The following TTLL5 variants were observed in gnomAD, a reference collection of about 807,000 sequenced individuals.
TTLL5 encodes the protein tubulin tyrosine ligase like 5.
TTLL5 carries 132 observed loss-of-function variants against 168.4 expected under a neutral mutation model. The ratio of observed to expected loss-of-function variants is 0.78; its 90% CI spans 0.68 to 0.91. The LOEUF (loss-of-function observed/expected upper bound fraction) is 0.91. Ranked by LOEUF, TTLL5 falls within the 40% of genes least tolerant of loss-of-function variation. The probability of loss-of-function intolerance (pLI) is 0.00; values close to 1 mark genes in which losing one functional copy is unlikely to be tolerated. For missense variants in TTLL5, 1,545 were observed against 1,581.5 expected, an observed-to-expected ratio of 0.98 and a Z score of 0.39; for synonymous variants, 546 against 558.6, an observed-to-expected ratio of 0.98 and a Z score of 0.32.
intron 18 of TTLL5, among the ~76,000 whole-genome samples, chr14:75,756,840 T>C (rs1304306572): frequency 6.6e-6 from 1 of 152,008 alleles, no homozygotes; most frequent in African/African-American, 2.4e-5. Flanking sequence ...GAAAGGAAAT[T>C]GAATGAGAGT....
chr14:75,900,007 C>G (rs552963749), intron 30 of TTLL5, among the ~76,000 whole-genome samples: 1 of 150,876 alleles, frequency 6.6e-6, no homozygotes, highest in African/African-American at 2.4e-5. Context: ...CTTTGCTCCA[C>G]TCAGCTGCTC....
At chr14:75,876,391 C>T (rs185074410) in intron 29 of TTLL5, among the ~76,000 whole-genome samples, 35 of 152,230 alleles carry the variant, frequency 2.3e-4, no homozygotes, top group African/African-American at 8.2e-4. Context: ...ACAATAGTTT[C>T]GAAATTTTTC....
Position 75,874,933 on chromosome 14 carries a change from C to CTTTTTTTTTTTTTTTTTTTT in TTLL5, c.3523-7734_3523-7733insTTTTTTTTTTTTTTTTTTTT, listed in dbSNP as rs1555353208. Among the ~76,000 whole-genome samples, 709 of 97,414 alleles carry CTTTTTTTTTTTTTTTTTTTT rather than the reference C, an allele frequency of 7.3e-3. 48 individuals carry two copies. Among genetic ancestry groups the CTTTTTTTTTTTTTTTTTTTT allele is most frequent in the East Asian group, 0.043 (105 of 2,424 alleles). 63.9% of individuals were successfully genotyped at this position (97,414 alleles called of 152,430 possible). ...AGAGAAAAAAAAAGACACTGGGGGCCTTTTTTTTTTTTTTTTTTGAGACGG... is the reference window on the plus strand; with the variant it reads ...AGAGAAAAAAAAAGACACTGGGGGCCTTTTTTTTTTTTTTTTTTTTTTTTTTTTTTTTTTTTTTGAGACGG... On this transcript the variant is annotated intron_variant, in intron 29 of 31. Coordinates refer to ENST00000298832, the MANE Select transcript of TTLL5 (RefSeq NM_015072.5).
chr14:75,905,558 TAGTAG>T (rs2033109530), intron 31 of TTLL5, among the ~76,000 whole-genome samples: 1 of 152,180 alleles, frequency 6.6e-6, no homozygotes. Flanking sequence ...GGCTTTATAT[TAGTAG>T]TTTGCTGTGG....
At chr14:75,740,753 A>G (rs1889212034) in intron 15 of TTLL5, among the ~76,000 whole-genome samples, 2 of 152,154 alleles carry the variant, frequency 1.3e-5, no homozygotes, top group Non-Finnish European at 2.9e-5. Flanking sequence ...ATTTGATAGC[A>G]TTCATTTTAC....
intron 28 of TTLL5, among the ~76,000 whole-genome samples, chr14:75,861,553 C>A (rs986715854): frequency 2.6e-5 from 4 of 152,306 alleles, no homozygotes; most frequent in African/African-American, 9.6e-5. Flanking sequence ...ATTGAAATGA[C>A]TTTAATGACA....
chr14:75,687,763 G>C (rs965565575), intron 5 of TTLL5, among the ~76,000 whole-genome samples: 1 of 152,148 alleles, frequency 6.6e-6, no homozygotes, highest in African/African-American at 2.4e-5. Context: ...TTTTCAAAGT[G>C]GGTAAAATAT....
chr14:75,782,065 A>G (rs1030905440), intron 24 of TTLL5, among the ~76,000 whole-genome samples: 2 of 151,580 alleles, frequency 1.3e-5, no homozygotes, highest in African/African-American at 4.8e-5. Flanking sequence ...GTCTCGGGGT[A>G]GCTTCGCTGC....
chr14:75,704,890 A>G (rs1886542153), intron 7 of TTLL5, among the ~76,000 whole-genome samples: 1 of 152,212 alleles, frequency 6.6e-6, no homozygotes, highest in African/African-American at 2.4e-5. Flanking sequence ...TATGGTGAGC[A>G]AGGGAGGAGA....
chr14:75,739,161 A>C (rs1889093027), intron 15 of TTLL5, among the ~76,000 whole-genome samples: 1 of 151,526 alleles, frequency 6.6e-6, no homozygotes, highest in South Asian at 2.1e-4. Context: ...ATTCCATTAC[A>C]TCTAGTTGCA....
intron 21 of TTLL5, 22 bp downstream of exon 21, chr14:75,771,876 C>A (rs756521672): frequency 1.3e-6 from 2 of 1,583,362 alleles, no homozygotes; most frequent in Non-Finnish European, 1.7e-6. Flanking sequence ...CTTACTGAAA[C>A]CTTTTTACTT....
At chr14:75,945,931 A>G (rs533950588) in intron 31 of TTLL5, among the ~76,000 whole-genome samples, 3 of 152,360 alleles carry the variant, frequency 2.0e-5, no homozygotes, top group Admixed American at 2.0e-4. Flanking sequence ...ACAAAAATAC[A>G]GTGTAATGTT....
At chr14:75,857,052 ATC>A (rs2139915820) in intron 28 of TTLL5, among the ~76,000 whole-genome samples, 1 of 152,350 alleles carries the variant, frequency 6.6e-6, no homozygotes, top group Admixed American at 6.5e-5. Context: ...TTCTAGCAGT[ATC>A]TCTCTAAAGT....
intron 30 of TTLL5, among the ~76,000 whole-genome samples, chr14:75,897,487 T>A (rs1022658468): frequency 2.0e-5 from 3 of 152,154 alleles, no homozygotes; most frequent in African/African-American, 7.2e-5. Context: ...TATTTATTTA[T>A]TTTTTGAGAT....
intron 26 of TTLL5, among the ~76,000 whole-genome samples, chr14:75,791,119 A>AAAAAAAAAAAAAAAAAAAAAC (rs1892689320): frequency 6.6e-6 from 1 of 150,962 alleles, no homozygotes; most frequent in African/African-American, 2.4e-5. Flanking sequence ...AAAAAAAAAA[A>AAAAAAAAAAAAAAAAAAAAAC]AAAAATACCA....
chr14:75,927,917 A>G (rs1389120450), intron 31 of TTLL5, among the ~76,000 whole-genome samples: 3 of 152,072 alleles, frequency 2.0e-5, no homozygotes, highest in African/African-American at 7.2e-5. Context: ...CTTCTCTCCC[A>G]TTGTTAATCC....
intron 6 of TTLL5, among the ~76,000 whole-genome samples, chr14:75,695,273 A>G (rs1372743660): frequency 6.6e-6 from 1 of 152,228 alleles, no homozygotes; most frequent in African/African-American, 2.4e-5. Flanking sequence ...TCCCAGGCCT[A>G]TTAGGATGAG....
chr14:75,939,254 A>G (rs1253228299), intron 31 of TTLL5, among the ~76,000 whole-genome samples: 2 of 152,226 alleles, frequency 1.3e-5, no homozygotes, highest in Non-Finnish European at 2.9e-5. Flanking sequence ...TGTAAGTATT[A>G]TGGGAATTTT....
intron 27 of TTLL5, among the ~76,000 whole-genome samples, chr14:75,806,925 A>G (rs2140380254): frequency 6.6e-6 from 1 of 152,304 alleles, no homozygotes; most frequent in Admixed American, 6.5e-5. Flanking sequence ...TGCCTTAGCC[A>G]GAAGTCATCT....
Sources: gnomAD v4.1 joint callset for allele counts (sites outside exome capture counted in the v4.1 genomes callset) on GRCh38, gnomAD v4.1.1 for gene constraint, MANE v1.5 for transcripts, NCBI Gene and HGNC (gene_info 2026-07-23, HGNC 2026-07-21) for gene names.